The following DOCK2 variants were observed in gnomAD, a reference collection of about 807,000 sequenced individuals.
The protein encoded by DOCK2 is dedicator of cytokinesis protein 2.
DOCK2 carries 87 observed loss-of-function variants against 248.9 expected under a neutral mutation model. That is an observed-to-expected ratio of 0.35 (90% CI 0.29 to 0.42). The LOEUF is 0.42. Ranked by LOEUF, DOCK2 falls within the 10% of genes least tolerant of loss-of-function variation. The pLI, the probability that DOCK2 is intolerant of heterozygous loss-of-function variation, is 1.00. For synonymous variants in DOCK2, 805 were observed against 821.6 expected (o/e 0.98, Z 0.35); for missense variants, 1,747 against 2,300.2 (o/e 0.76, Z 4.92).
chr5:169,835,279 T>TTTTGG (rs750585295), intron 26 of DOCK2, among the ~76,000 whole-genome samples: 1 of 150,560 alleles, frequency 6.6e-6, no homozygotes, highest in Admixed American at 6.6e-5. Flanking sequence ...TTTTTTTTTT[T>TTTTGG]GAGACTGCTC....
intron 23 of DOCK2, among the ~76,000 whole-genome samples, chr5:169,756,737 C>T (rs1244237503): frequency 6.6e-6 from 1 of 152,072 alleles, no homozygotes; most frequent in African/African-American, 2.4e-5. Flanking sequence ...ACCAGCCTGA[C>T]CAACGTGGTG....
chr5:169,701,413 C>T (rs1052055327), intron 13 of DOCK2, among the ~76,000 whole-genome samples: 1 of 152,208 alleles, frequency 6.6e-6, no homozygotes, highest in African/African-American at 2.4e-5. Context: ...TGGCGGTTGT[C>T]TCCTAGGGCC....
At chr5:170,036,435 C>T (rs1408055569) in intron 35 of DOCK2, 80 bp from the exon 36 acceptor site, 4 of 1,440,266 alleles carry the variant, frequency 2.8e-6, no homozygotes, top group South Asian at 1.2e-5. Flanking sequence ...CAATCTTCCT[C>T]TCATCTTCAT....
chr5:169,702,317 G>C lies in DOCK2; in HGVS notation c.1273G>C (p.Asp425His), dbSNP rs908186195. 9.9e-6 allele frequency: 16 copies of C among 1,613,690 alleles called. No homozygotes were observed. The highest frequency in any genetic ancestry group is 1.4e-5 in the Non-Finnish European group (16 of 1,179,762). The change falls in exon 14 of 52, where the codon GAC becomes CAC. Residue 425 changes from aspartate (D) to histidine (H), a missense_variant. Coordinates refer to ENST00000520908, the MANE Select transcript of DOCK2 (RefSeq NM_004946.3). ...CTCTGCCTCAGGGGATGTCAGGAAC[G>C]ACATCTACATTACTCTCTTACAAGG... Reference protein sequence around the residue: ...EIIMPGDVRNDIYITLLQGDF... With the variant: ...EIIMPGDVRNHIYITLLQGDF...
intron 33 of DOCK2, 25 bp downstream of exon 33, chr5:170,019,133 T>A: frequency 1.9e-6 from 3 of 1,613,764 alleles, no homozygotes; most frequent in Non-Finnish European, 2.5e-6. Flanking sequence ...CGGAAACTCA[T>A]GCCAGCATGC....
At chr5:169,996,399 T>C (rs1315297588) in intron 30 of DOCK2, among the ~76,000 whole-genome samples, 1 of 152,234 alleles carries the variant, frequency 6.6e-6, no homozygotes, top group Non-Finnish European at 1.5e-5. Flanking sequence ...TGGCCTCTTA[T>C]ATTAACAAGG....
At chr5:169,955,559 C>G (rs1186135561) in intron 27 of DOCK2, among the ~76,000 whole-genome samples, 4 of 152,144 alleles carry the variant, frequency 2.6e-5, no homozygotes, top group African/African-American at 9.7e-5. Context: ...GGCACTGATG[C>G]AAAATTTCAG....
chr5:169,747,326 G>A (rs1008653880), intron 22 of DOCK2, 70 bp from the exon 23 acceptor site: 38 of 1,371,424 alleles, frequency 2.8e-5, no homozygotes, highest in Non-Finnish European at 3.7e-5. Context: ...AATGAAGTTT[G>A]TGCCTAGTAC....
intron 7 of DOCK2, 98 bp from the exon 8 acceptor site, chr5:169,684,093 AACTTT>A: frequency 1.4e-6 from 2 of 1,428,742 alleles, no homozygotes. Flanking sequence ...GGAATGCCCA[AACTTT>A]AGGCTTGAAC....
At chr5:169,864,794 C>G (rs978717957) in intron 27 of DOCK2, among the ~76,000 whole-genome samples, 1 of 152,096 alleles carries the variant, frequency 6.6e-6, no homozygotes, top group Admixed American at 6.6e-5. Context: ...AAAACTGTCT[C>G]ATTATTAAAA....
intron 46 of DOCK2, among the ~76,000 whole-genome samples, chr5:170,073,601 TTCTC>T (rs1344293262): frequency 1.3e-5 from 2 of 152,194 alleles, no homozygotes; most frequent in African/African-American, 2.4e-5. Flanking sequence ...GTTCTTTAAT[TTCTC>T]TCAGCAAAAT....
intron 22 of DOCK2, among the ~76,000 whole-genome samples, chr5:169,736,704 CA>C (rs1324304307): frequency 6.6e-6 from 1 of 152,162 alleles, no homozygotes; most frequent in Non-Finnish European, 1.5e-5. Flanking sequence ...CTGTAGCTTC[CA>C]AAACACCTTT....
intron 26 of DOCK2, among the ~76,000 whole-genome samples, chr5:169,808,427 G>T (rs1767533769): frequency 6.6e-6 from 1 of 151,318 alleles, no homozygotes; most frequent in South Asian, 2.1e-4. Flanking sequence ...TGTCATGGTA[G>T]GACTCAGGGG....
intron 25 of DOCK2, among the ~76,000 whole-genome samples, chr5:169,782,898 G>A (rs1257588701): frequency 6.6e-6 from 1 of 152,210 alleles, no homozygotes; most frequent in Non-Finnish European, 1.5e-5. Flanking sequence ...TTGATGAAGA[G>A]AGGCAATGTT....
intron 27 of DOCK2, among the ~76,000 whole-genome samples, chr5:169,851,865 C>T (rs565031736): frequency 4.5e-4 from 68 of 152,224 alleles, no homozygotes; most frequent in African/African-American, 1.4e-3. Flanking sequence ...GAAAACTACC[C>T]CCATGATCCA....
chr5:169,910,405 C>G (rs944693434), intron 27 of DOCK2, among the ~76,000 whole-genome samples: 20 of 152,254 alleles, frequency 1.3e-4, no homozygotes, highest in Admixed American at 1.2e-3. Flanking sequence ...GGATCTACCC[C>G]CTCAGTGCTG....
At chr5:169,679,525 G>A (rs1344593516) in intron 6 of DOCK2, among the ~76,000 whole-genome samples, 1 of 152,184 alleles carries the variant, frequency 6.6e-6, no homozygotes, top group Admixed American at 6.5e-5. Flanking sequence ...AAGATAGCCA[G>A]ACCTAGGAGA....
At chr5:170,072,517 G>A (rs1757714776) in intron 46 of DOCK2, among the ~76,000 whole-genome samples, 1 of 152,154 alleles carries the variant, frequency 6.6e-6, no homozygotes, top group Admixed American at 6.5e-5. Flanking sequence ...CCTTTTGGTG[G>A]ACCTAAGCAC....
intron 32 of DOCK2, among the ~76,000 whole-genome samples, chr5:170,013,586 G>A (rs947570898): frequency 1.3e-5 from 2 of 151,988 alleles, no homozygotes; most frequent in Non-Finnish European, 2.9e-5. Flanking sequence ...GCCTCTAGAG[G>A]CTGGAAAAAG....
Sources: allele counts gnomAD v4.1 joint callset (sites outside exome capture counted in the v4.1 genomes callset), GRCh38; gene constraint gnomAD v4.1.1; transcripts MANE v1.5; gene names NCBI Gene and HGNC (gene_info 2026-07-23, HGNC 2026-07-21).